The following MECOM variants were observed in gnomAD, a reference collection of about 807,000 sequenced individuals.
MECOM encodes histone-lysine N-methyltransferase MECOM.
MECOM carries 13 observed loss-of-function variants against 116.3 expected under a neutral mutation model. The ratio of observed to expected loss-of-function variants is 0.11; its 90% CI spans 0.07 to 0.18. The LOEUF (loss-of-function observed/expected upper bound fraction) is 0.18, where lower values mean the gene tolerates loss of function less well. MECOM is among the 10% of genes least tolerant of loss of function. MECOM has a pLI of 1.00. For missense variants in MECOM, 1,299 were observed against 1,509.0 expected (o/e 0.86, Z 2.31); for synonymous variants, 528 against 535.2 (o/e 0.99, Z 0.19).
chr3:169,221,534 A>C (rs1460017844), intron 2 of MECOM, among the ~76,000 whole-genome samples: 1 of 151,434 alleles, frequency 6.6e-6, no homozygotes. Context: ...TGCTGTACTC[A>C]AGAGCACAGC....
intron 2 of MECOM, among the ~76,000 whole-genome samples, chr3:169,371,528 C>CACAT (rs1730129210): frequency 6.6e-6 from 1 of 151,496 alleles, no homozygotes; most frequent in South Asian, 2.1e-4. Flanking sequence ...CACACACACA[C>CACAT]ACACACTCAC....
intron 16 of MECOM, among the ~76,000 whole-genome samples, 176 bp downstream of exon 16, chr3:169,088,824 C>A (rs1576824360): frequency 6.6e-6 from 1 of 152,058 alleles, no homozygotes; most frequent in African/African-American, 2.4e-5. Flanking sequence ...TCTTGCTTAA[C>A]TATTTTGGAT....
At chr3:169,154,681 G>A (rs1361090650) in intron 2 of MECOM, among the ~76,000 whole-genome samples, 5 of 151,824 alleles carry the variant, frequency 3.3e-5, no homozygotes, top group African/African-American at 1.2e-4. Context: ...CATTTTTTTT[G>A]AGAATTCAAT....
At chr3:169,494,444 T>C (rs1012522282) in intron 1 of MECOM, among the ~76,000 whole-genome samples, 7 of 152,146 alleles carry the variant, frequency 4.6e-5, no homozygotes, top group African/African-American at 1.4e-4. Context: ...AGAAGTCAGA[T>C]GCCACAAGTT....
At chr3:169,086,637 C>T (rs1717836944) in intron 16 of MECOM, 6 of 697,302 alleles carry the variant, frequency 8.6e-6, no homozygotes, top group Non-Finnish European at 1.6e-5. Flanking sequence ...CACTAACTTA[C>T]ATAAAGTGTT....
intron 1 of MECOM, chr3:169,389,659 G>T (rs150067038): frequency 0.022 from 19,115 of 876,122 alleles, 234 homozygotes; most frequent in Non-Finnish European, 0.024. Context: ...AATTCATGCT[G>T]CAGCAGACTG....
Position 169,133,198 on chromosome 3 carries a change from T to C in MECOM, c.511-1667A>G, listed in dbSNP as rs550747979. Among the ~76,000 whole-genome samples, 20 of 152,062 alleles carry C rather than the reference T, an allele frequency of 1.3e-4. No homozygotes were observed. In the South Asian group the frequency reaches 3.7e-3, roughly 28 times the overall value. ...TCTAAGAATATATTCTTAGAAGATA[T>C]TACTGTTAACTATGGTTTTTTGCAA... On this transcript the variant is annotated intron_variant, in intron 3 of 16. Transcript: ENST00000651503.
chr3:169,347,260 A>T (rs1022542168), intron 2 of MECOM, among the ~76,000 whole-genome samples: 6 of 152,080 alleles, frequency 3.9e-5, no homozygotes, highest in Non-Finnish European at 7.4e-5. Flanking sequence ...GGATGGAGAC[A>T]GGTATGTTTA....
intron 2 of MECOM, among the ~76,000 whole-genome samples, chr3:169,348,074 TAA>T (rs1299713328): frequency 6.6e-6 from 1 of 151,206 alleles, no homozygotes; most frequent in Non-Finnish European, 1.5e-5. Context: ...CACTGAGCCT[TAA>T]AAAAAAATAT....
chr3:169,548,997 G>A (rs552517884), intron 1 of MECOM, among the ~76,000 whole-genome samples: 87 of 126,088 alleles, frequency 6.9e-4, no homozygotes, highest in South Asian at 9.6e-4. Flanking sequence ...TTTTTGAGAC[G>A]AAGTCTCACT....
At chr3:169,242,060 C>T (rs1489326037) in intron 2 of MECOM, among the ~76,000 whole-genome samples, 1 of 152,224 alleles carries the variant, frequency 6.6e-6, no homozygotes, top group Non-Finnish European at 1.5e-5. Flanking sequence ...AGCAGTGTTT[C>T]ATATGTCACC....
At chr3:169,334,267 T>C (rs1280132311) in intron 2 of MECOM, among the ~76,000 whole-genome samples, 2 of 152,116 alleles carry the variant, frequency 1.3e-5, no homozygotes, top group Non-Finnish European at 2.9e-5. Context: ...CAAAAGGAAA[T>C]TGTACAGAAA....
In MECOM at chr3:169,289,920, T is replaced by C. The variant is rs572397141; in HGVS notation, c.375+91267A>G. 2.0e-5 allele frequency among the ~76,000 whole-genome samples: 3 copies of C among 152,278 alleles called. No individual in the cohort carries two copies. The East Asian group carries it at 5.8e-4, about 29-fold the overall frequency. Reference sequence around the variant, plus strand: ...ATCAGATTGAAGCATAATTTAAAAGTAGCTTGGTGAGCCCACCTCTGGGAC... The same window carrying C: ...ATCAGATTGAAGCATAATTTAAAAGCAGCTTGGTGAGCCCACCTCTGGGAC... On this transcript the variant is annotated intron_variant, in intron 2 of 16. Transcript: ENST00000651503.
At chr3:169,500,898 C>T (rs16853845) in intron 1 of MECOM, among the ~76,000 whole-genome samples, 24,558 of 151,616 alleles carry the variant, frequency 0.16, 2,135 homozygotes, top group East Asian at 0.33. Flanking sequence ...GTTGTTAAAA[C>T]AATAAAGTCT....
rs549373083 is a variant in MECOM, at chr3:169,267,500, T to C, written c.375+113687A>G. On this transcript the variant is annotated intron_variant, in intron 2 of 16. Coordinates refer to ENST00000651503, the MANE Select transcript of MECOM (RefSeq NM_004991.4). ...GAGGCAGGAAAGAGCTGCCCTTACT[T>C]GCTTCTAGCTTTATTTAAGAAAGGG... is the stretch of plus-strand genomic sequence containing the variant. Among the ~76,000 whole-genome samples, 85 of 152,276 alleles carry C rather than the reference T, an allele frequency of 5.6e-4. 1 individual carries two copies. Among genetic ancestry groups the C allele is most frequent in the African/African-American group, 1.6e-3 (67 of 41,556 alleles).
Position 169,663,641 on chromosome 3 carries a change from C to T in MECOM, c.-269G>A, listed in dbSNP as rs747919400. The stretch of plus-strand genomic sequence containing the variant: ...CTCTCCCTTTCTCTCAATCCACACT[C>T]GCTATCTCTCCAGCATTGTCAGTTT... On this transcript the variant is annotated 5_prime_UTR_variant, in exon 1 of 17. Coordinates refer to ENST00000651503, the MANE Select transcript of MECOM (RefSeq NM_004991.4). 1.6e-5 allele frequency: 9 copies of T among 549,976 alleles called. No homozygotes were observed. Among genetic ancestry groups the T allele is most frequent in the Middle Eastern group, 4.8e-4 (1 of 2,084 alleles). 34.1% of individuals were successfully genotyped at this position (549,976 alleles called of 1,614,324 possible). A position where few individuals can be genotyped will look rare whatever the true frequency, so the allele number is the denominator to read the frequency against.
At chr3:169,496,242 C>G (rs1753795454) in intron 1 of MECOM, among the ~76,000 whole-genome samples, 1 of 152,184 alleles carries the variant, frequency 6.6e-6, no homozygotes, top group Non-Finnish European at 1.5e-5. Flanking sequence ...CCAGTTGCCT[C>G]TATAAGCCTT....
At chr3:169,404,612 G>T (rs972989940) in intron 1 of MECOM, among the ~76,000 whole-genome samples, 2 of 152,166 alleles carry the variant, frequency 1.3e-5, no homozygotes, top group African/African-American at 4.8e-5. Flanking sequence ...AGGCTGATCC[G>T]ATGGGCCAGT....
chr3:169,089,296 G>A (rs1576827812), intron 15 of MECOM, 113 bp from the exon 16 acceptor site: 3 of 664,464 alleles, frequency 4.5e-6, no homozygotes, highest in Non-Finnish European at 4.4e-6. Context: ...GTATCTGCAA[G>A]GTAAAGTAGC....
Sources: gnomAD v4.1 joint callset for allele counts (sites outside exome capture counted in the v4.1 genomes callset) on GRCh38, gnomAD v4.1.1 for gene constraint, MANE v1.5 for transcripts, NCBI Gene and HGNC (gene_info 2026-07-23, HGNC 2026-07-21) for gene names.